Variants in SYN2 observed in about 807,000 individuals in gnomAD.
SYN2 encodes synapsin II, also known as synapsin-2.
Under a neutral mutation model 50.9 loss-of-function variants are expected in SYN2, and 19 were observed. The observed-to-expected ratio is 0.37, with a 90% CI of 0.26 to 0.55. The LOEUF (loss-of-function observed/expected upper bound fraction) is 0.55, where lower values mean the gene tolerates loss of function less well. Ranked by LOEUF, SYN2 falls within the 20% of genes least tolerant of loss-of-function variation. The pLI, the probability that SYN2 is intolerant of heterozygous loss-of-function variation, is 0.81. For synonymous variants in SYN2, 255 were observed against 224.9 expected (o/e 1.13, Z -1.20); for missense variants, 587 against 576.4 (o/e 1.02, Z -0.19).
intron 1 of SYN2, among the ~76,000 whole-genome samples, chr3:12,060,747 A>G (rs369677942): frequency 2.0e-5 from 3 of 152,166 alleles, no homozygotes; most frequent in African/African-American, 7.2e-5. Context: ...AACACAGCCA[A>G]ACTCCTAGCT....
intron 1 of SYN2, among the ~76,000 whole-genome samples, chr3:12,034,180 C>T (rs184911873): frequency 6.6e-6 from 1 of 152,330 alleles, no homozygotes; most frequent in Admixed American, 6.5e-5. Flanking sequence ...TTCACATCCT[C>T]AGTGACAGTA....
rs755316041 is a variant in SYN2 at position 12,168,427 on chromosome 3, C to A, written c.1107C>A (p.Ile369=). Residue 369 remains isoleucine (I), a synonymous_variant, in exon 9 of 13, where the codon ATC becomes ATA. Transcript: ENST00000621198. ...CTGAGATGTTTGGCGGCCTGGACAT[C>A]TGTGCTGTCAAAGCTGTACATGGCA... ...TCSEMFGGLD[I]CAVKAVHGKD... is the part of the protein sequence containing the mutation. 14 of 1,613,882 alleles carry A rather than the reference C, an allele frequency of 8.7e-6. No individual in the cohort carries two copies. The East Asian group carries it at 2.9e-4, about 33-fold the overall frequency.
chr3:12,108,220 C>G (rs555841279), intron 1 of SYN2, among the ~76,000 whole-genome samples: 98 of 152,102 alleles, frequency 6.4e-4, no homozygotes, highest in Non-Finnish European at 7.9e-4. Context: ...AAAAAGAGAA[C>G]AAAAAGAAGT....
chr3:12,097,626 A>G (rs1043073781), intron 1 of SYN2, among the ~76,000 whole-genome samples: 104 of 152,042 alleles, frequency 6.8e-4, no homozygotes, highest in Admixed American at 1.7e-3. Flanking sequence ...AAAAAAAGAA[A>G]GAAAAAAGAA....
chr3:12,098,538 A>G (rs1467925724), intron 1 of SYN2, among the ~76,000 whole-genome samples: 2 of 152,112 alleles, frequency 1.3e-5, no homozygotes, highest in Admixed American at 6.6e-5. Context: ...AATTCCCTAG[A>G]CAACCACTAA....
intron 1 of SYN2, among the ~76,000 whole-genome samples, chr3:12,076,109 TA>T (rs1222382508): frequency 6.6e-6 from 1 of 152,148 alleles, no homozygotes; most frequent in Non-Finnish European, 1.5e-5. Flanking sequence ...AAGTCAGGAC[TA>T]GAATATATGC....
intron 1 of SYN2, among the ~76,000 whole-genome samples, chr3:12,099,009 A>G (rs114893514): frequency 0.015 from 2,319 of 152,060 alleles, 54 homozygotes; most frequent in African/African-American, 0.053. Context: ...CTCTATCAAG[A>G]AGATGTAACA....
chr3:12,070,926 C>A, intron 1 of SYN2: 1 of 555,506 alleles, frequency 1.8e-6, no homozygotes, highest in South Asian at 1.5e-5. Context: ...TGGCCACCGC[C>A]GCATCCTCCT....
chr3:12,097,296 G>A (rs1695954702), intron 1 of SYN2, among the ~76,000 whole-genome samples: 2 of 152,208 alleles, frequency 1.3e-5, no homozygotes, highest in African/African-American at 4.8e-5. Flanking sequence ...ATCAATGATA[G>A]ACTGGATTAA....
At chr3:12,128,610 T>C (rs528254994) in intron 1 of SYN2, among the ~76,000 whole-genome samples, 2 of 152,336 alleles carry the variant, frequency 1.3e-5, no homozygotes, top group South Asian at 4.1e-4. Context: ...GTATAAATAC[T>C]TCAGTAATTG....
At chr3:12,027,361 A>C (rs923441918) in intron 1 of SYN2, among the ~76,000 whole-genome samples, 1 of 152,336 alleles carries the variant, frequency 6.6e-6, no homozygotes, top group East Asian at 1.9e-4. Flanking sequence ...CCTGTGAATT[A>C]CATTAGGTTG....
intron 1 of SYN2, 103 bp downstream of exon 1, chr3:12,005,031 A>T: frequency 2.6e-6 from 1 of 383,010 alleles, no homozygotes; most frequent in Non-Finnish European, 4.7e-6. Context: ...CAGACCAATA[A>T]AAAGGAGGGT....
chr3:12,074,595 T>C (rs1257680720), intron 1 of SYN2, among the ~76,000 whole-genome samples: 3 of 152,238 alleles, frequency 2.0e-5, no homozygotes, highest in Admixed American at 2.0e-4. Flanking sequence ...GTGTTATTAT[T>C]GTCCAGTTTT....
intron 7 of SYN2, 74 bp downstream of exon 7, chr3:12,162,228 C>T (rs1697671595): frequency 6.4e-7 from 1 of 1,554,528 alleles, no homozygotes; most frequent in Non-Finnish European, 8.7e-7. Flanking sequence ...AGCCAACTCT[C>T]AGATAACAGA....
At chr3:12,022,792 C>G (rs1198250991) in intron 1 of SYN2, among the ~76,000 whole-genome samples, 1 of 152,072 alleles carries the variant, frequency 6.6e-6, no homozygotes, top group Non-Finnish European at 1.5e-5. Context: ...AAGCGATCCT[C>G]CTGCCTTAGC....
intron 1 of SYN2, among the ~76,000 whole-genome samples, chr3:12,057,857 T>C (rs1695028494): frequency 6.6e-6 from 1 of 152,210 alleles, no homozygotes; most frequent in Non-Finnish European, 1.5e-5. Flanking sequence ...AGAAGAACAT[T>C]AAAACTGAAA....
intron 10 of SYN2, 102 bp downstream of exon 10, chr3:12,170,008 A>C: frequency 7.2e-7 from 1 of 1,386,842 alleles, no homozygotes; most frequent in Non-Finnish European, 9.6e-7. Context: ...AGATGCCCAC[A>C]GGCCTAAATG....
At chr3:12,088,543 A>G (rs971940755) in intron 1 of SYN2, among the ~76,000 whole-genome samples, 3 of 152,194 alleles carry the variant, frequency 2.0e-5, no homozygotes, top group African/African-American at 7.2e-5. Flanking sequence ...CCACTTCTGG[A>G]TATATATCCA....
At chr3:12,172,292 A>G (rs947808336) in intron 10 of SYN2, among the ~76,000 whole-genome samples, 2 of 152,238 alleles carry the variant, frequency 1.3e-5, no homozygotes, top group Non-Finnish European at 2.9e-5. Context: ...ACCTGGAGTT[A>G]GCCAAACTGC....
Sources: allele counts gnomAD v4.1 joint callset (sites outside exome capture counted in the v4.1 genomes callset), GRCh38; gene constraint gnomAD v4.1.1; transcripts MANE v1.5; gene names NCBI Gene and HGNC (gene_info 2026-07-23, HGNC 2026-07-21).